GRIA4: variants seen among roughly 807,000 people sequenced by gnomAD.
The protein encoded by GRIA4 is glutamate receptor 4.
A neutral mutation model predicts 104.0 loss-of-function variants in GRIA4; 34 were observed. The observed-to-expected ratio is 0.33, with a 90% CI of 0.25 to 0.44. GRIA4 has a LOEUF of 0.44. Ranked by LOEUF, GRIA4 falls within the 20% of genes least tolerant of loss-of-function variation. The pLI is 1.00. For synonymous variants in GRIA4, 386 were observed against 381.9 expected (o/e 1.01, Z -0.13); for missense variants, 750 against 1,096.5 (o/e 0.68, Z 4.46).
At chr11:105,907,130 T>G (rs1474780883) in intron 9 of GRIA4, among the ~76,000 whole-genome samples, 1 of 152,228 alleles carries the variant, frequency 6.6e-6, no homozygotes, top group African/African-American at 2.4e-5. Flanking sequence ...TAATATGAAG[T>G]GGGCTATTCA....
chr11:105,648,224 T>A (rs1221663530), intron 3 of GRIA4, among the ~76,000 whole-genome samples: 1 of 151,608 alleles, frequency 6.6e-6, no homozygotes, highest in East Asian at 1.9e-4. Context: ...CATCTAGAGT[T>A]TTTAAGGTAA....
intron 3 of GRIA4, among the ~76,000 whole-genome samples, chr11:105,675,560 A>G (rs550294981): frequency 3.4e-4 from 52 of 151,914 alleles, no homozygotes; most frequent in Non-Finnish European, 5.6e-4. Flanking sequence ...ATTGCTCCCC[A>G]GTTGGAATTC....
At chr11:105,622,420 C>A (rs1950771317) in intron 3 of GRIA4, among the ~76,000 whole-genome samples, 1 of 151,848 alleles carries the variant, frequency 6.6e-6, no homozygotes, top group Non-Finnish European at 1.5e-5. Context: ...TACATTTGTG[C>A]AAAACTGATG....
chr11:105,722,605 C>G (rs1373995693), intron 3 of GRIA4, among the ~76,000 whole-genome samples: 1 of 151,888 alleles, frequency 6.6e-6, no homozygotes. Context: ...GCAAAAGTTC[C>G]CATCTCATCA....
chr11:105,642,225 T>G (rs1951385479), intron 3 of GRIA4, among the ~76,000 whole-genome samples: 1 of 152,110 alleles, frequency 6.6e-6, no homozygotes, highest in Non-Finnish European at 1.5e-5. Flanking sequence ...TCCCACAACA[T>G]GTCACTTGCA....
rs529625619 is a variant in GRIA4, at chr11:105,797,861, A to G, written c.487+44641A>G. On this transcript the variant is annotated intron_variant, in intron 4 of 16. Coordinates refer to ENST00000282499, the MANE Select transcript of GRIA4 (RefSeq NM_000829.4). ...CTTTTAGGGCCTAGCACAGAGCTCA[A>G]TGTATTTAATTACTTGATTGCTGAT... is the stretch of plus-strand genomic sequence containing the variant. 1.2e-3 allele frequency: 527 copies of G among 448,850 alleles called. No homozygotes were observed. Among genetic ancestry groups the G allele is most frequent in the Non-Finnish European group, 2.1e-3 (469 of 224,072 alleles). 27.8% of individuals were successfully genotyped at this position (448,850 alleles called of 1,614,324 possible).
At chr11:105,627,112 G>A (rs555202523) in intron 3 of GRIA4, among the ~76,000 whole-genome samples, 1 of 152,144 alleles carries the variant, frequency 6.6e-6, no homozygotes, top group African/African-American at 2.4e-5. Flanking sequence ...GGTGTTGGGG[G>A]GAAATTCAGA....
chr11:105,659,301 T>C (rs1222756994), intron 3 of GRIA4, among the ~76,000 whole-genome samples: 1 of 151,988 alleles, frequency 6.6e-6, no homozygotes, highest in Non-Finnish European at 1.5e-5. Context: ...AGGCATGCGA[T>C]TTGGCTCAAT....
chr11:105,669,095 G>A (rs879854750), intron 3 of GRIA4, among the ~76,000 whole-genome samples: 2 of 151,908 alleles, frequency 1.3e-5, no homozygotes, highest in Non-Finnish European at 2.9e-5. Context: ...TCCCACAGTT[G>A]CTACCTTTAA....
At chr11:105,821,204 A>G (rs1943563796) in intron 4 of GRIA4, among the ~76,000 whole-genome samples, 1 of 152,156 alleles carries the variant, frequency 6.6e-6, no homozygotes, top group South Asian at 2.1e-4. Flanking sequence ...ACATGGTTTC[A>G]GAAAATAATA....
At chr11:105,950,887 G>A (rs1948439152) in intron 14 of GRIA4, among the ~76,000 whole-genome samples, 1 of 152,056 alleles carries the variant, frequency 6.6e-6, no homozygotes, top group Non-Finnish European at 1.5e-5. Context: ...TAGCTATACA[G>A]GGAAGAGTCA....
chr11:105,806,918 T>C (rs1229238496), intron 4 of GRIA4, among the ~76,000 whole-genome samples: 1 of 151,524 alleles, frequency 6.6e-6, no homozygotes, highest in Non-Finnish European at 1.5e-5. Context: ...AAGTGTAACA[T>C]TGACAAAATA....
chr11:105,630,719 A>T (rs570957984), intron 3 of GRIA4, among the ~76,000 whole-genome samples: 28 of 152,268 alleles, frequency 1.8e-4, no homozygotes, highest in Middle Eastern at 3.4e-3. Flanking sequence ...TTTTAAAAAA[A>T]TTTTAAAAAT....
chr11:105,843,247 G>T (rs1225353262), intron 4 of GRIA4, among the ~76,000 whole-genome samples: 1 of 152,138 alleles, frequency 6.6e-6, no homozygotes, highest in African/African-American at 2.4e-5. Context: ...AAAATGCTTT[G>T]ATTCAACATG....
chr11:105,667,970 A>G (rs1411274652), intron 3 of GRIA4, among the ~76,000 whole-genome samples: 1 of 151,688 alleles, frequency 6.6e-6, no homozygotes, highest in Non-Finnish European at 1.5e-5. Flanking sequence ...TATAACAAGA[A>G]TCTTGTGCCC....
At chr11:105,857,737 G>A (rs913776192) in intron 4 of GRIA4, among the ~76,000 whole-genome samples, 12 of 152,088 alleles carry the variant, frequency 7.9e-5, no homozygotes, top group African/African-American at 2.7e-4. Context: ...TCATTGAAAA[G>A]CAGAATGGAC....
At chr11:105,824,139 C>T (rs1479313968) in intron 4 of GRIA4, among the ~76,000 whole-genome samples, 1 of 152,072 alleles carries the variant, frequency 6.6e-6, no homozygotes, top group Non-Finnish European at 1.5e-5. Flanking sequence ...TTTAAGTCAT[C>T]CAGGCTGTGG....
intron 3 of GRIA4, among the ~76,000 whole-genome samples, chr11:105,740,789 G>A (rs1254235515): frequency 1.3e-5 from 2 of 152,126 alleles, no homozygotes; most frequent in Non-Finnish European, 2.9e-5. Context: ...AGGCCCTGAA[G>A]TGAGGGGAGA....
intron 4 of GRIA4, among the ~76,000 whole-genome samples, chr11:105,848,225 A>C (rs1591344378): frequency 1.3e-5 from 2 of 152,330 alleles, no homozygotes; most frequent in African/African-American, 4.8e-5. Flanking sequence ...TACAACTAAA[A>C]TATGAGAAGG....
Sources: gnomAD v4.1 joint callset for allele counts (sites outside exome capture counted in the v4.1 genomes callset) on GRCh38, gnomAD v4.1.1 for gene constraint, MANE v1.5 for transcripts, NCBI Gene and HGNC (gene_info 2026-07-23, HGNC 2026-07-21) for gene names.